Variants in EML4 observed in about 807,000 individuals in gnomAD.
EML4 encodes echinoderm microtubule-associated protein-like 4.
Under a neutral mutation model 129.0 loss-of-function variants are expected in EML4, and 72 were observed. The ratio of observed to expected loss-of-function variants is 0.56; its 90% CI spans 0.46 to 0.68. The LOEUF is 0.68. EML4 is among the 30% of genes least tolerant of loss of function. EML4 has a pLI of 0.00. For synonymous variants in EML4, 532 were observed against 405.0 expected (o/e 1.31, Z -3.77); for missense variants, 1,363 against 1,190.6 (o/e 1.14, Z -2.13).
chr2:42,202,144 A>G (rs1672271708), intron 1 of EML4, among the ~76,000 whole-genome samples: 2 of 152,004 alleles, frequency 1.3e-5, no homozygotes, highest in South Asian at 4.1e-4. Flanking sequence ...AGGGGTGTAG[A>G]CAGGGAAAGG....
At chr2:42,291,890 C>T (rs1011747561) in intron 11 of EML4, among the ~76,000 whole-genome samples, 1 of 152,136 alleles carries the variant, frequency 6.6e-6, no homozygotes, top group African/African-American at 2.4e-5. Flanking sequence ...TGTAAAGGTA[C>T]ACAACCTCAT....
chr2:42,284,577 GTATTC>G, intron 8 of EML4, 52 bp from the exon 9 acceptor site: 1 of 1,232,252 alleles, frequency 8.1e-7, no homozygotes, highest in African/African-American at 1.5e-5. Context: ...CAGTACAAAG[GTATTC>G]TGTTGTTTCA....
At chr2:42,207,631 G>A (rs1022638972) in intron 1 of EML4, among the ~76,000 whole-genome samples, 1 of 152,264 alleles carries the variant, frequency 6.6e-6, no homozygotes, top group Non-Finnish European at 1.5e-5. Context: ...AGGGCCAGAG[G>A]AGCTTTCCTG....
chr2:42,246,261 T>C (rs887567675), intron 2 of EML4, among the ~76,000 whole-genome samples: 6 of 152,194 alleles, frequency 3.9e-5, no homozygotes, highest in African/African-American at 9.7e-5. Flanking sequence ...GGAGCAGATG[T>C]AGTGTACCTT....
chr2:42,264,645 A>G lies in EML4; in HGVS notation c.642-61A>G, dbSNP rs184880850. On this transcript the variant is annotated intron_variant, in intron 5 of 22. Coordinates refer to ENST00000318522, the MANE Select transcript of EML4 (RefSeq NM_019063.5). ...AAAACTTTTACAGTTTCTTGAGGTGATTTTAATGGTTAGCCATATAAACTT... is the reference window on the plus strand; with the variant it reads ...AAAACTTTTACAGTTTCTTGAGGTGGTTTTAATGGTTAGCCATATAAACTT... The G allele has an allele frequency of 1.5e-4, 141 of 948,084 alleles. 1 individual carries two copies. In the African/African-American group the frequency reaches 2.2e-3, roughly 14 times the overall value. The allele number at this position is 948,084 out of a possible 1,614,324, so 58.7% of individuals were successfully genotyped here. A position where few individuals can be genotyped will look rare whatever the true frequency, so the allele number is the denominator to read the frequency against.
chr2:42,310,473 G>A (rs909396577), intron 17 of EML4, among the ~76,000 whole-genome samples: 19 of 152,080 alleles, frequency 1.2e-4, no homozygotes, highest in African/African-American at 4.6e-4. Flanking sequence ...AACCTCCCAG[G>A]TAGCTGGGAC....
intron 1 of EML4, among the ~76,000 whole-genome samples, chr2:42,202,294 G>A (rs966060904): frequency 2.6e-5 from 4 of 152,080 alleles, no homozygotes; most frequent in African/African-American, 7.2e-5. Flanking sequence ...TAATCTCAGT[G>A]CTTTGGGAGG....
At chr2:42,312,698 C>T (rs538948221) in intron 17 of EML4, among the ~76,000 whole-genome samples, 26 of 151,944 alleles carry the variant, frequency 1.7e-4, no homozygotes, top group Admixed American at 5.2e-4. Flanking sequence ...GGACTACAGG[C>T]GCGTGCCACC....
intron 1 of EML4, among the ~76,000 whole-genome samples, chr2:42,214,165 G>A (rs924444161): frequency 2.0e-5 from 3 of 152,074 alleles, no homozygotes; most frequent in African/African-American, 7.2e-5. Context: ...CAACAGCTTG[G>A]GCGGGAGTCA....
intron 1 of EML4, among the ~76,000 whole-genome samples, chr2:42,191,610 G>A (rs988707107): frequency 3.9e-5 from 6 of 152,162 alleles, no homozygotes; most frequent in African/African-American, 1.4e-4. Context: ...GGGGAATTAT[G>A]AATTAGCCAC....
At chr2:42,304,446 C>G (rs773437047) in intron 16 of EML4, 38 bp from the exon 17 acceptor site, 2 of 1,556,216 alleles carry the variant, frequency 1.3e-6, no homozygotes, top group South Asian at 2.2e-5. Flanking sequence ...GGGAGACTTT[C>G]TCATGTACTC....
chr2:42,308,021 T>TA (rs111234531), intron 17 of EML4, among the ~76,000 whole-genome samples: 2 of 152,002 alleles, frequency 1.3e-5, no homozygotes, highest in Non-Finnish European at 2.9e-5. Flanking sequence ...AAGTGACTAG[T>TA]AAAAAAAAGT....
At chr2:42,325,619 T>TG in intron 20 of EML4, 65 bp downstream of exon 20, 1 of 95,196 alleles carries the variant, frequency 1.1e-5, no homozygotes. Flanking sequence ...TATATATATA[T>TG]ATATATATAT....
intron 1 of EML4, among the ~76,000 whole-genome samples, chr2:42,220,177 C>G (rs149448366): frequency 6.6e-6 from 1 of 151,256 alleles, no homozygotes; most frequent in East Asian, 1.9e-4. Flanking sequence ...TTATCCATAT[C>G]AAATTCAGGC....
chr2:42,282,696 C>A, intron 7 of EML4, 127 bp from the exon 8 acceptor site: 1 of 838,708 alleles, frequency 1.2e-6, no homozygotes, highest in Non-Finnish European at 1.9e-6. Context: ...CCGTCCAGGA[C>A]ATGAGTTTTC....
At chr2:42,169,678 G>C in intron 1 of EML4, 42 bp downstream of exon 1, 1 of 1,589,992 alleles carries the variant, frequency 6.3e-7, no homozygotes, top group South Asian at 1.1e-5. Flanking sequence ...GCGAAGGGTA[G>C]GAACTTTTTT....
In EML4 at chr2:42,263,200, G is replaced by A. The variant is rs1457321563; in HGVS notation, c.535G>A (p.Glu179Lys). The A allele has an allele frequency of 1.2e-5, 20 of 1,612,200 alleles. No homozygotes were observed. Among genetic ancestry groups the A allele is most frequent in the Non-Finnish European group, 1.6e-5 (19 of 1,179,404 alleles). ...TAGCATAAAACGACCATCACCAGCT[G>A]AAAAGTCACATAATTCTTGGGAAAA... ...TKSIKRPSPAEKSHNSWENSD... is the reference protein window; with the variant it reads ...TKSIKRPSPAKKSHNSWENSD... Residue 179 changes from glutamate to lysine, a missense_variant, in exon 5 of 23, where the codon GAA becomes AAA. By Grantham distance (56) the Glu-to-Lys change is moderately conservative. Coordinates refer to ENST00000318522, the MANE Select transcript of EML4 (RefSeq NM_019063.5).
chr2:42,288,284 TG>T lies in EML4; in HGVS notation c.1183del (p.Asp395ThrfsTer11). ...DDSNEHMLTV[W>X]DWQKKAKGAE... ...CTCCAATGAGCATATGCTTACTGTATGGGACTGGCAGAAGAAAGCAAAAGGA... is the reference window on the plus strand; with the variant it reads ...CTCCAATGAGCATATGCTTACTGTATGGACTGGCAGAAGAAAGCAAAAGGA... On this transcript the variant is annotated frameshift_variant, in exon 11 of 23. Coordinates refer to ENST00000318522, the MANE Select transcript of EML4 (RefSeq NM_019063.5). LOFTEE classifies it high-confidence loss of function. The T allele has an allele frequency of 6.3e-7, 1 of 1,578,014 alleles. No homozygotes were observed. Among genetic ancestry groups the T allele is most frequent in the Non-Finnish European group, 8.7e-7 (1 of 1,151,534 alleles).
At chr2:42,315,892 A>T in intron 17 of EML4, 70 bp from the exon 18 acceptor site, 2 of 1,190,746 alleles carry the variant, frequency 1.7e-6, no homozygotes, top group South Asian at 1.3e-5. Flanking sequence ...AAAAAAAAAG[A>T]AAAAGAACAA....
Sources: gnomAD v4.1 joint callset for allele counts (sites outside exome capture counted in the v4.1 genomes callset) on GRCh38, gnomAD v4.1.1 for gene constraint, MANE v1.5 for transcripts, NCBI Gene and HGNC (gene_info 2026-07-23, HGNC 2026-07-21) for gene names.